Variants in RPL3 observed in about 807,000 individuals in gnomAD.
The protein encoded by RPL3 is ribosomal protein L3.
Under a neutral mutation model 46.0 loss-of-function variants are expected in RPL3, and 3 were observed. That is an observed-to-expected ratio of 0.07 (90% CI 0.03 to 0.17). The LOEUF (loss-of-function observed/expected upper bound fraction) is 0.17. Among genes scored for constraint, RPL3 ranks in the 10% least tolerant of loss-of-function variants. RPL3 has a pLI of 1.00. For synonymous variants in RPL3, 224 were observed against 190.8 expected (o/e 1.17, Z -1.43); for missense variants, 387 against 532.7 (o/e 0.73, Z 2.69).
intron 4 of RPL3, 90 bp from the exon 5 acceptor site, chr22:39,315,645 A>G: frequency 2.0e-6 from 3 of 1,478,122 alleles, no homozygotes; most frequent in Non-Finnish European, 2.8e-6. Flanking sequence ...GATTGATGTC[A>G]AGCACACGGC....
Position 39,318,607 on chromosome 22 carries a change from A to T in RPL3, c.4-15T>A. ...TTTCTGTGAGACTAGGTGGGAAAAA[A>T]ATCACCGTCAGCACCCAAACCAAAG... On this transcript the variant is annotated splice_polypyrimidine_tract_variant and intron_variant, in intron 1 of 9. Transcript: ENST00000216146. 6.3e-7 allele frequency: 1 copy of T among 1,593,578 alleles called. No individual in the cohort carries two copies. The highest frequency in any genetic ancestry group is 1.1e-5 in the South Asian group (1 of 89,112).
chr22:39,317,611 A>T lies in RPL3; in HGVS notation c.215T>A (p.Val72Glu). The T allele has an allele frequency of 6.2e-7, 1 of 1,612,746 alleles. No individual in the cohort carries two copies. Among genetic ancestry groups the T allele is most frequent in the African/African-American group, 1.3e-5 (1 of 74,664 alleles). ...RPGSKVNKKE[V>E]VEAVTIVETP... ...CTCTACAATGGTCACAGCCTCCACC[A>T]CCTCCTTCTTGTTCACCTCTGCAAA... is the stretch of plus-strand genomic sequence containing the variant. Residue 72 changes from valine to glutamate, a missense_variant, in exon 3 of 10, where the codon GTG becomes GAG. This residue lies in a region of RPL3 where 196 missense variants were observed against 217.5 expected (regional missense o/e 0.90). Transcript: ENST00000216146.
rs542489323 is a variant in RPL3 at position 39,315,269 on chromosome 22, T to C, written c.688+100A>G. 52 of 1,490,314 alleles carry C rather than the reference T, an allele frequency of 3.5e-5. 1 individual carries two copies. In the Middle Eastern group the frequency reaches 5.1e-4, roughly 15 times the overall value. 92.3% of individuals were successfully genotyped at this position (1,490,314 alleles called of 1,614,324 possible). A position where few individuals can be genotyped will look rare whatever the true frequency, so the allele number is the denominator to read the frequency against. On this transcript the variant is annotated intron_variant, in intron 5 of 9. Transcript: ENST00000216146. Reference sequence around the variant, plus strand: ...GTTCTACACTGTCCGATTCGGGCGCTGTACCCAGCGCTCACTCTGAGCCTC... The same window carrying C: ...GTTCTACACTGTCCGATTCGGGCGCCGTACCCAGCGCTCACTCTGAGCCTC...
At chr22:39,315,809 C>A (rs1366945919) in intron 4 of RPL3, among the ~76,000 whole-genome samples, 1 of 152,226 alleles carries the variant, frequency 6.6e-6, no homozygotes, top group Non-Finnish European at 1.5e-5. Flanking sequence ...ACAACCAGAT[C>A]CCAGCCCCTA....
rs1000218282 is a variant in RPL3 at position 39,314,088 on chromosome 22, C to A, written c.951+19G>T. 13 of 1,604,084 alleles carry A rather than the reference C, an allele frequency of 8.1e-6. No homozygotes were observed. The highest frequency in any genetic ancestry group is 1.0e-5 in the Non-Finnish European group (12 of 1,172,044). ...CGAGGCCTGGGATGGCCTCACAGAGCAGAACACCCATTACTTACCAGAGGG... is the reference window on the plus strand; with the variant it reads ...CGAGGCCTGGGATGGCCTCACAGAGAAGAACACCCATTACTTACCAGAGGG... On this transcript the variant is annotated intron_variant, in intron 7 of 9. Transcript: ENST00000216146.
At chr22:39,316,574 C>T (rs1569161032) in intron 4 of RPL3, 132 bp downstream of exon 4, 9 of 1,131,112 alleles carry the variant, frequency 8.0e-6, no homozygotes, top group Non-Finnish European at 1.2e-5. Context: ...TGCTAAGGGC[C>T]AGTAAGGACA....
chr22:39,318,690 G>A, intron 1 of RPL3, 98 bp from the exon 2 acceptor site: 2 of 1,029,098 alleles, frequency 1.9e-6, no homozygotes, highest in Non-Finnish European at 2.8e-6. Flanking sequence ...CAATACTGAA[G>A]AATCCTGACC....
intron 9 of RPL3, 80 bp downstream of exon 9, chr22:39,313,111 C>A (rs1031581456): frequency 6.3e-7 from 1 of 1,598,782 alleles, no homozygotes; most frequent in Middle Eastern, 1.7e-4. Context: ...ATCAAGACCA[C>A]CCCTACCCCG....
Position 39,318,568 on chromosome 22 carries a change from T to G in RPL3, c.28A>C (p.Arg10=). The G allele has an allele frequency of 6.2e-7, 1 of 1,611,970 alleles. No homozygotes were observed. Among genetic ancestry groups the G allele is most frequent in the Non-Finnish European group, 8.5e-7 (1 of 1,179,104 alleles). ...GGCAGGAAGCCGAGGGACCCATGTC[T>G]GGGAGCGGAGAACTTTCTGTGAGAC... The part of the protein sequence containing the change: MSHRKFSAP[R]HGSLGFLPRK... The change falls in exon 2 of 10, where the codon AGA becomes CGA. Residue 10 remains arginine, a synonymous_variant. Transcript: ENST00000216146.
chr22:39,318,234 A>T, intron 2 of RPL3, 166 bp downstream of exon 2: 1 of 653,572 alleles, frequency 1.5e-6, no homozygotes, highest in Non-Finnish European at 2.6e-6. Flanking sequence ...TTGGAATATT[A>T]GTTTTCAAGT....
Position 39,315,521 on chromosome 22 carries a change from T to A in RPL3, c.536A>T (p.His179Leu), listed in dbSNP as rs1359062167. Reference protein sequence around the residue: ...RLLPLRQKKAHLMEIQVNGGT... With the variant: ...RLLPLRQKKALLMEIQVNGGT... ...TCCGTTCACCTGGATCTCCATCAGG[T>A]GGGCCTTCTTCTGGCGCAGAGGAAG... Residue 179 changes from histidine (H) to leucine (L), a missense_variant, in exon 5 of 10, where the codon CAC (histidine) becomes CTC (leucine). His to Leu is a moderately conservative substitution (Grantham distance 99, BLOSUM62 -3). Around this residue, in one of 5 missense-constraint regions of RPL3, gnomAD observed 196 missense variants for 217.5 expected, o/e 0.90. Transcript: ENST00000216146. 6.2e-7 allele frequency: 1 copy of A among 1,614,116 alleles called. No individual in the cohort carries two copies. The highest frequency in any genetic ancestry group is 2.2e-5 in the East Asian group (1 of 44,890).
chr22:39,314,503 C>T (rs1430481273), intron 6 of RPL3, 183 bp downstream of exon 6: 3 of 764,660 alleles, frequency 3.9e-6, no homozygotes, highest in Admixed American at 5.7e-5. Context: ...ACCACAGCCA[C>T]TCTACAGGAT....
At chr22:39,318,255 C>A (rs75376564) in intron 2 of RPL3, 145 bp downstream of exon 2, 7,833 of 758,888 alleles carry the variant, frequency 0.01, 135 homozygotes, top group Admixed American at 0.07. Flanking sequence ...TAAGCATTCC[C>A]ATTCTGCTGT....
At chr22:39,314,568 T>C in intron 6 of RPL3, 118 bp downstream of exon 6, 1 of 1,224,286 alleles carries the variant, frequency 8.2e-7, no homozygotes, top group Non-Finnish European at 1.1e-6. Flanking sequence ...AGCAAGCCAC[T>C]GATGTCCACG....
intron 4 of RPL3, among the ~76,000 whole-genome samples, chr22:39,316,240 T>TA (rs137622): frequency 0.11 from 15,482 of 146,584 alleles, 1,231 homozygotes; most frequent in African/African-American, 0.22. Context: ...ATTCTGTCTC[T>TA]AAAAAAAAAA....
intron 2 of RPL3, 48 bp downstream of exon 2, chr22:39,318,352 C>A (rs1307665558): frequency 1.3e-6 from 2 of 1,585,934 alleles, no homozygotes; most frequent in African/African-American, 2.7e-5. Flanking sequence ...TACAATTTCC[C>A]TCCCCCTCCA....
chr22:39,317,677 G>C (rs1011209769), intron 2 of RPL3, 48 bp from the exon 3 acceptor site: 1 of 1,594,570 alleles, frequency 6.3e-7, no homozygotes, highest in Non-Finnish European at 8.6e-7. Flanking sequence ...CCAAGCAAGG[G>C]GTGTAATGTT....
chr22:39,316,739 G>A lies in RPL3; in HGVS notation c.468C>T (p.Tyr156=), dbSNP rs377256479. 2.5e-6 allele frequency: 4 copies of A among 1,612,832 alleles called. No individual in the cohort carries two copies. In the African/African-American group the frequency reaches 4.0e-5, roughly 16 times the overall value. Residue 156 remains tyrosine, a synonymous_variant, in exon 4 of 10, where the codon TAC becomes TAT. Transcript: ENST00000216146. ...LEKDFSSMKK[Y]CQVIRVIAHT... is the part of the protein sequence containing the mutation. ...GGGCAATGACACGGATGACTTGGCAGTACTTCTTCATGCTGCTGAAGTCCT... is the reference window on the plus strand; with the variant it reads ...GGGCAATGACACGGATGACTTGGCAATACTTCTTCATGCTGCTGAAGTCCT...
intron 4 of RPL3, among the ~76,000 whole-genome samples, chr22:39,316,475 G>A (rs1601629729): frequency 1.3e-5 from 2 of 152,214 alleles, no homozygotes; most frequent in Non-Finnish European, 2.9e-5. Flanking sequence ...TTCCAGGAGA[G>A]CAGCCAGTAC....
Sources: allele counts gnomAD v4.1 joint callset (sites outside exome capture counted in the v4.1 genomes callset), GRCh38; gene constraint gnomAD v4.1.1; regional missense constraint gnomAD v4.1.1; transcripts MANE v1.5; gene names NCBI Gene and HGNC (gene_info 2026-07-23, HGNC 2026-07-21).